The following ARHGAP36 variants were observed in gnomAD, a reference collection of about 807,000 sequenced individuals.
ARHGAP36 encodes rho GTPase-activating protein 36.
A neutral mutation model predicts 32.9 loss-of-function variants in ARHGAP36; 7 were observed. The observed-to-expected ratio is 0.21, with a 90% CI of 0.12 to 0.40. The LOEUF (loss-of-function observed/expected upper bound fraction) is 0.40, where lower values mean the gene tolerates loss of function less well. Ranked by LOEUF, ARHGAP36 falls within the 10% of genes least tolerant of loss-of-function variation. The probability of loss-of-function intolerance (pLI) is 1.00; values close to 1 mark genes in which losing one functional copy is unlikely to be tolerated. For missense variants in ARHGAP36, 383 were observed against 442.2 expected (o/e 0.87, Z 1.20); for synonymous variants, 165 against 168.3 (o/e 0.98, Z 0.15).
chrX:131,085,755 G>C lies in ARHGAP36; in HGVS notation c.1104+19G>C. ...ACAGTTGGTAAAAAGATCTTGGAAA[G>C]AGTAGTGAAAACTGTAGTAGGGGAC... is the stretch of plus-strand genomic sequence containing the variant. On this transcript the variant is annotated intron_variant, in intron 8 of 11. Transcript: ENST00000276211. 1 of 1,209,529 alleles carries C rather than the reference G, an allele frequency of 8.3e-7. No individual in the cohort carries two copies. Among genetic ancestry groups the C allele is most frequent in the Non-Finnish European group, 1.1e-6 (1 of 894,273 alleles).
In ARHGAP36 at chrX:131,081,896, C is replaced by G. The variant is rs1382488164; in HGVS notation, c.231C>G (p.Leu77=). 2.5e-6 allele frequency: 3 copies of G among 1,210,231 alleles called. No homozygotes were observed. Among genetic ancestry groups the G allele is most frequent in the African/African-American group, 1.7e-5 (1 of 57,204 alleles). Residue 77 remains leucine, a synonymous_variant, in exon 2 of 12, where the codon CTC becomes CTG. Transcript: ENST00000276211. ...ACGAACTCGTGGCCAGACATTTCCTCTCCGAATTCAAACCTGACAGAGGTA... is the reference window on the plus strand; with the variant it reads ...ACGAACTCGTGGCCAGACATTTCCTGTCCGAATTCAAACCTGACAGAGGTA... ...AYHELVARHF[L]SEFKPDRALP...
At chrX:131,084,711 C>T (rs769016364) in intron 6 of ARHGAP36, 30 bp downstream of exon 6, 1 of 1,208,731 alleles carries the variant, frequency 8.3e-7, no homozygotes, top group Non-Finnish European at 1.1e-6. Context: ...ATGTTTGTTC[C>T]TCCAATAAGA....
intron 1 of ARHGAP36, among the ~76,000 whole-genome samples, chrX:131,071,897 G>A (rs1265257070): frequency 9.0e-6 from 1 of 111,522 alleles, no homozygotes; most frequent in African/African-American, 3.3e-5. Context: ...AATTGGGGGG[G>A]GTGTAATTGT....
chrX:131,085,249 T>TA (rs1165030225), intron 7 of ARHGAP36, among the ~76,000 whole-genome samples, 185 bp downstream of exon 7: 1 of 110,794 alleles, frequency 9.0e-6, no homozygotes, highest in Non-Finnish European at 1.9e-5. Context: ...AAAATTTTAA[T>TA]AAAAAACTTA....
Position 131,081,855 on chromosome X carries a change from C to G in ARHGAP36, c.190C>G (p.Gln64Glu). Reference sequence around the variant, plus strand: ...CTCTGAGCTGGAGCGTCTGAAGCTGCAAGAGACTGCTTACCACGAACTCGT... The same window carrying G: ...CTCTGAGCTGGAGCGTCTGAAGCTGGAAGAGACTGCTTACCACGAACTCGT... ...SLSELERLKLQETAYHELVAR... is the reference protein window; with the variant it reads ...SLSELERLKLEETAYHELVAR... Residue 64 changes from glutamine (Q) to glutamate (E), a missense_variant, in exon 2 of 12, where the codon CAA becomes GAA. By Grantham distance (29) the Gln-to-Glu change is conservative. Transcript: ENST00000276211. The G allele has an allele frequency of 8.2e-7, 1 of 1,212,166 alleles. No homozygotes were observed. The highest frequency in any genetic ancestry group is 1.1e-6 in the Non-Finnish European group (1 of 895,640).
At chrX:131,059,971 C>T (rs776061283) in intron 1 of ARHGAP36, among the ~76,000 whole-genome samples, 57 of 111,416 alleles carry the variant, frequency 5.1e-4, no homozygotes, top group African/African-American at 1.8e-3. Context: ...ACAGCAATGT[C>T]TATTAGAATT....
chrX:131,088,124 C>T (rs757939946), intron 11 of ARHGAP36, among the ~76,000 whole-genome samples: 2 of 112,416 alleles, frequency 1.8e-5, no homozygotes, highest in South Asian at 7.4e-4. Context: ...TGTTGCATTC[C>T]CTGTAGATAC....
At chrX:131,067,144 TA>T (rs1432362324) in intron 1 of ARHGAP36, among the ~76,000 whole-genome samples, 3 of 111,677 alleles carry the variant, frequency 2.7e-5, no homozygotes, top group Non-Finnish European at 3.8e-5. Flanking sequence ...GAGTTAGGTT[TA>T]AAAAAAATAA....
chrX:131,084,740 G>A (rs1252052110), intron 6 of ARHGAP36, 59 bp downstream of exon 6: 2 of 1,196,967 alleles, frequency 1.7e-6, no homozygotes, highest in East Asian at 3.0e-5. Context: ...GAGGAGGTGG[G>A]GTTTCCCCAT....
At chrX:131,074,615 C>T (rs2079751484) in intron 1 of ARHGAP36, among the ~76,000 whole-genome samples, 1 of 111,865 alleles carries the variant, frequency 8.9e-6, no homozygotes, top group Non-Finnish European at 1.9e-5. Flanking sequence ...CTTAATATTC[C>T]TTAAAAGAAC....
chrX:131,087,663 A>C (rs929242870), intron 11 of ARHGAP36, among the ~76,000 whole-genome samples: 1 of 111,935 alleles, frequency 8.9e-6, no homozygotes, highest in Non-Finnish European at 1.9e-5. Flanking sequence ...ACAGGCCCTG[A>C]AAATGTCTCT....
chrX:131,084,446 A>T, intron 5 of ARHGAP36, 39 bp downstream of exon 5: 1 of 1,177,472 alleles, frequency 8.5e-7, no homozygotes, highest in Non-Finnish European at 1.1e-6. Flanking sequence ...GGAAGGAAGC[A>T]AAGGGAAAGG....
At chrX:131,064,347 C>A (rs1397398783) in intron 1 of ARHGAP36, among the ~76,000 whole-genome samples, 1 of 111,370 alleles carries the variant, frequency 9.0e-6, no homozygotes, top group East Asian at 2.8e-4. Context: ...GCTGATCAAA[C>A]ATCTTCCTAA....
At position 131,073,186 on chromosome X, in the gene ARHGAP36, A is replaced by G. The variant is rs112423489; in HGVS notation, c.-142-8338A>G. Among the ~76,000 whole-genome samples, 1,024 of 112,732 alleles carry G rather than the reference A, an allele frequency of 9.1e-3. 7 individuals carry two copies. The highest frequency in any genetic ancestry group is 0.028 in the Middle Eastern group (6 of 217). On this transcript the variant is annotated intron_variant, in intron 1 of 11. Coordinates refer to ENST00000276211, the MANE Select transcript of ARHGAP36 (RefSeq NM_144967.4). ...GATGTCTCAAACGTAAGAGCGCAAG[A>G]AAGATTTAATTTTTCTAATTCTCAG... is the stretch of plus-strand genomic sequence containing the variant.
At chrX:131,084,575 C>A (rs758287542) in intron 5 of ARHGAP36, 51 bp from the exon 6 acceptor site, 7 of 1,196,090 alleles carry the variant, frequency 5.9e-6, no homozygotes, top group Non-Finnish European at 7.9e-6. Flanking sequence ...AGAGAAATGC[C>A]ATGGGAAAGG....
rs376095448 is a variant in ARHGAP36, at chrX:131,088,710, G to A, written c.1569G>A (p.Pro523=). The A allele has an allele frequency of 1.3e-5, 16 of 1,210,089 alleles. No homozygotes were observed. Among genetic ancestry groups the A allele is most frequent in the Admixed American group, 1.3e-4 (6 of 45,833 alleles). Residue 523 remains proline, a synonymous_variant, in exon 12 of 12, where the codon CCG becomes CCA. Coordinates refer to ENST00000276211, the MANE Select transcript of ARHGAP36 (RefSeq NM_144967.4). ...AAGGAGCGGGTAACCCTCCCATTCC[G>A]GAGCAAGACCGCCCATTGCTCCGTG... The part of the protein sequence containing the change: ...DEEGAGNPPI[P]EQDRPLLRVP...
intron 1 of ARHGAP36, among the ~76,000 whole-genome samples, chrX:131,074,675 C>T (rs2079751879): frequency 9.0e-6 from 1 of 111,261 alleles, no homozygotes; most frequent in Non-Finnish European, 1.9e-5. Flanking sequence ...GATGTTAAAC[C>T]CATGGGCCTT....
chrX:131,067,600 C>G (rs1177349061), intron 1 of ARHGAP36, among the ~76,000 whole-genome samples: 1 of 112,232 alleles, frequency 8.9e-6, no homozygotes, highest in African/African-American at 3.2e-5. Flanking sequence ...CAACCACACA[C>G]ACGGTCACTT....
chrX:131,071,751 C>T (rs2079733961), intron 1 of ARHGAP36, among the ~76,000 whole-genome samples: 1 of 111,712 alleles, frequency 9.0e-6, no homozygotes, highest in Non-Finnish European at 1.9e-5. Flanking sequence ...GCTCTGCTTC[C>T]CCATGTTTCC....
Sources: allele counts gnomAD v4.1 joint callset (sites outside exome capture counted in the v4.1 genomes callset), GRCh38; gene constraint gnomAD v4.1.1; transcripts MANE v1.5; gene names NCBI Gene and HGNC (gene_info 2026-07-23, HGNC 2026-07-21).